Variants in FRAS1 observed in about 807,000 individuals in gnomAD.
The protein encoded by FRAS1 is extracellular matrix organizing protein FRAS1.
FRAS1 carries 290 observed loss-of-function variants against 435.2 expected under a neutral mutation model. That is an observed-to-expected ratio of 0.67 (90% CI 0.61 to 0.73). The LOEUF (loss-of-function observed/expected upper bound fraction) is 0.73. Ranked by LOEUF, FRAS1 falls within the 30% of genes least tolerant of loss-of-function variation. FRAS1 has a pLI of 0.00. For synonymous variants in FRAS1, 1,800 were observed against 1,851.0 expected, an observed-to-expected ratio of 0.97 and a Z score of 0.71; for missense variants, 4,860 against 5,001.5, an observed-to-expected ratio of 0.97 and a Z score of 0.85.
chr4:78,089,602 A>C (rs1422103130), intron 2 of FRAS1, among the ~76,000 whole-genome samples: 3 of 152,100 alleles, frequency 2.0e-5, no homozygotes, highest in Non-Finnish European at 4.4e-5. Context: ...TCTGGGATTT[A>C]AACTCCAGGT....
chr4:78,172,255 G>A (rs1203579656), intron 2 of FRAS1, among the ~76,000 whole-genome samples: 1 of 152,154 alleles, frequency 6.6e-6, no homozygotes, highest in Non-Finnish European at 1.5e-5. Context: ...GATAGTGAAA[G>A]CTGTATGTGT....
intron 20 of FRAS1, among the ~76,000 whole-genome samples, chr4:78,360,702 G>T (rs13134439): frequency 0.037 from 5,676 of 152,206 alleles, 164 homozygotes; most frequent in Non-Finnish European, 0.058. Flanking sequence ...AGAGTAATAA[G>T]GGTTGAAAAG....
intron 35 of FRAS1, among the ~76,000 whole-genome samples, chr4:78,428,754 T>G (rs1466874926): frequency 6.6e-6 from 1 of 152,220 alleles, no homozygotes; most frequent in Admixed American, 6.5e-5. Flanking sequence ...CCTTTACCAG[T>G]AGCATCTATG....
At chr4:78,097,803 G>C (rs1023554036) in intron 2 of FRAS1, among the ~76,000 whole-genome samples, 1 of 152,164 alleles carries the variant, frequency 6.6e-6, no homozygotes, top group Non-Finnish European at 1.5e-5. Context: ...CCTAACCTTA[G>C]TACTTCAGAA....
intron 29 of FRAS1, among the ~76,000 whole-genome samples, chr4:78,398,972 A>G (rs1732774970): frequency 6.6e-6 from 1 of 151,940 alleles, no homozygotes; most frequent in Non-Finnish European, 1.5e-5. Flanking sequence ...AGCAAGAGCA[A>G]AATTCTGTCT....
intron 22 of FRAS1, among the ~76,000 whole-genome samples, chr4:78,366,668 A>G (rs1409993502): frequency 6.6e-6 from 1 of 152,162 alleles, no homozygotes; most frequent in Non-Finnish European, 1.5e-5. Context: ...TGGTTACAGC[A>G]CATCCCAGCT....
At chr4:78,522,950 G>A (rs1578372866) in intron 69 of FRAS1, 142 bp downstream of exon 69, 1 of 814,918 alleles carries the variant, frequency 1.2e-6, no homozygotes, top group Non-Finnish European at 1.8e-6. Context: ...TCAGCTGGGA[G>A]TAGTGGTGCT....
At position 78,251,001 on chromosome 4, in the gene FRAS1, C is replaced by T. The variant is rs1725505915; in HGVS notation, c.310-1391C>T. On this transcript the variant is annotated intron_variant, in intron 4 of 73. Coordinates refer to ENST00000512123, the MANE Select transcript of FRAS1 (RefSeq NM_025074.7). ...TAATATAATCTGCAATTTTTAAGATCAGTTTGTCCTTTGCCTTTTAATTTT... is the reference window on the plus strand; with the variant it reads ...TAATATAATCTGCAATTTTTAAGATTAGTTTGTCCTTTGCCTTTTAATTTT... Among the ~76,000 whole-genome samples, 3 of 151,910 alleles carry T rather than the reference C, an allele frequency of 2.0e-5. No individual in the cohort carries two copies. In the South Asian group the frequency reaches 6.2e-4, roughly 32 times the overall value.
chr4:78,354,204 T>A (rs1730761069), intron 20 of FRAS1, among the ~76,000 whole-genome samples: 1 of 152,158 alleles, frequency 6.6e-6, no homozygotes, highest in Non-Finnish European at 1.5e-5. Flanking sequence ...ACGGCAGCCT[T>A]CCCAACACAT....
chr4:78,482,795 T>A (rs1720052492), intron 58 of FRAS1, among the ~76,000 whole-genome samples: 1 of 152,138 alleles, frequency 6.6e-6, no homozygotes, highest in African/African-American at 2.4e-5. Context: ...AGTGTCTCCC[T>A]GTGGAATCAG....
intron 14 of FRAS1, among the ~76,000 whole-genome samples, chr4:78,288,381 C>G (rs768748902): frequency 3.3e-5 from 5 of 152,240 alleles, no homozygotes; most frequent in Non-Finnish European, 5.9e-5. Flanking sequence ...TGTACCACCT[C>G]CATCCCCTGA....
intron 23 of FRAS1, among the ~76,000 whole-genome samples, chr4:78,371,025 C>A (rs1192738057): frequency 1.3e-5 from 2 of 150,688 alleles, no homozygotes; most frequent in Non-Finnish European, 2.9e-5. Context: ...CCAAGAAATT[C>A]TACTTCGTTG....
At chr4:78,481,574 A>G (rs770046134) in intron 56 of FRAS1, among the ~76,000 whole-genome samples, 13 of 152,184 alleles carry the variant, frequency 8.5e-5, no homozygotes, top group Non-Finnish European at 1.8e-4. Context: ...CATCTCCATG[A>G]AGCCCTTCTC....
chr4:78,276,237 T>C (rs1368689885), intron 9 of FRAS1, among the ~76,000 whole-genome samples: 1 of 152,212 alleles, frequency 6.6e-6, no homozygotes, highest in Non-Finnish European at 1.5e-5. Context: ...TCAAGGTTTT[T>C]ATCTTCTTTG....
chr4:78,415,377 TA>T (rs1419316595), intron 32 of FRAS1, among the ~76,000 whole-genome samples: 1 of 151,964 alleles, frequency 6.6e-6, no homozygotes, highest in African/African-American at 2.4e-5. Flanking sequence ...AATAAAAAAT[TA>T]AAAAAATTAA....
chr4:78,083,439 G>C (rs1478093605), intron 2 of FRAS1, among the ~76,000 whole-genome samples: 1 of 152,094 alleles, frequency 6.6e-6, no homozygotes, highest in Admixed American at 6.6e-5. Flanking sequence ...AGGAGACCTG[G>C]CTTAAAGACA....
intron 14 of FRAS1, among the ~76,000 whole-genome samples, chr4:78,299,498 C>T (rs759773260): frequency 2.4e-4 from 36 of 152,126 alleles, no homozygotes; most frequent in Non-Finnish European, 3.1e-4. Context: ...AAGTATTTTA[C>T]TATTTTAACA....
chr4:78,485,007 T>C (rs1720123955), intron 58 of FRAS1, among the ~76,000 whole-genome samples: 1 of 152,258 alleles, frequency 6.6e-6, no homozygotes, highest in Non-Finnish European at 1.5e-5. Flanking sequence ...CTTATTCTTT[T>C]GCATGAAATG....
At chr4:78,460,045 C>T (rs1188307816) in intron 47 of FRAS1, among the ~76,000 whole-genome samples, 1 of 152,090 alleles carries the variant, frequency 6.6e-6, no homozygotes, top group Admixed American at 6.6e-5. Flanking sequence ...CAACCCATCA[C>T]AAGAGGCTTT....
Sources: gnomAD v4.1 joint callset for allele counts (sites outside exome capture counted in the v4.1 genomes callset) on GRCh38, gnomAD v4.1.1 for gene constraint, MANE v1.5 for transcripts, NCBI Gene and HGNC (gene_info 2026-07-23, HGNC 2026-07-21) for gene names.